The following SIGLEC1 variants were observed in gnomAD, a reference collection of about 807,000 sequenced individuals.
The protein encoded by SIGLEC1 is sialic acid binding Ig like lectin 1.
Under a neutral mutation model 148.0 loss-of-function variants are expected in SIGLEC1, and 132 were observed. The observed-to-expected ratio is 0.89, with a 90% CI of 0.77 to 1.03. The LOEUF is 1.03. Among genes scored for constraint, SIGLEC1 ranks in the 50% least tolerant of loss-of-function variants. The pLI, the probability that SIGLEC1 is intolerant of heterozygous loss-of-function variation, is 0.00. For synonymous variants in SIGLEC1, 945 were observed against 969.0 expected, an observed-to-expected ratio of 0.98 and a Z score of 0.46; for missense variants, 2,253 against 2,271.4, an observed-to-expected ratio of 0.99 and a Z score of 0.16.
rs1379073968 is a variant in SIGLEC1 at position 3,692,090 on chromosome 20, A to T, written c.4143T>A (p.His1381Gln). The change falls in exon 17 of 22, where the codon CAT becomes CAA. Residue 1381 changes from histidine (H) to glutamine (Q), a missense_variant. Transcript: ENST00000344754. ...TGCTCGTGGCCAGCACCTTGCCATC[A>T]TGAGATAGGGCCAGCTCAGCAGGTG... Reference protein sequence around the residue: ...SEPPAELALSHDGKVLATSSG... With the variant: ...SEPPAELALSQDGKVLATSSG... The T allele has an allele frequency of 2.5e-6, 4 of 1,609,880 alleles. No individual in the cohort carries two copies. The highest frequency in any genetic ancestry group is 3.4e-6 in the Non-Finnish European group (4 of 1,178,938).
rs527815791 is a variant in SIGLEC1, at chr20:3,693,540, C to T, written c.3415G>A (p.Val1139Ile). The T allele has an allele frequency of 1.9e-5, 31 of 1,612,302 alleles. No homozygotes were observed. Among genetic ancestry groups the T allele is most frequent in the East Asian group, 1.3e-4 (6 of 44,860 alleles). ...LDAHSIPLPNVTVRDATSYRC... is the reference protein window; with the variant it reads ...LDAHSIPLPNITVRDATSYRC... ...TAGGAGGTGGCATCCCTGACTGTGA[C>T]GTTGGGCAGGGGGATGGAGTGGGCA... The change falls in exon 14 of 22, where the codon GTC (valine) becomes ATC (isoleucine). Residue 1139 changes from valine (V) to isoleucine (I), a missense_variant. Transcript: ENST00000344754.
At chr20:3,694,582 C>T in intron 12 of SIGLEC1, 50 bp from the exon 13 acceptor site, 2 of 1,559,530 alleles carry the variant, frequency 1.3e-6, no homozygotes, top group Non-Finnish European at 1.7e-6. Flanking sequence ...GTCCCTCATC[C>T]AGGGCTCTGT....
In SIGLEC1 at chr20:3,689,616, C is replaced by A. The variant is rs748922450; in HGVS notation, c.4981G>T (p.Ala1661Ser). The A allele has an allele frequency of 2.5e-6, 4 of 1,581,292 alleles. No homozygotes were observed. The highest frequency in any genetic ancestry group is 1.3e-5 in the African/African-American group (1 of 74,494). ...CAGACCCACCTCCAGGTGTAGCAGG[C>A]CCCCAGGCCCAACAGCAGGAGCAGG... is the stretch of plus-strand genomic sequence containing the variant. ...GLLLLLLGLG[A>S]CYTWRRRRVC... The change falls in exon 20 of 22, where the codon GCC becomes TCC. Residue 1661 changes from alanine (A) to serine (S), a missense_variant. Ala to Ser is a moderately conservative substitution (Grantham distance 99, BLOSUM62 1). Coordinates refer to ENST00000344754, the MANE Select transcript of SIGLEC1 (RefSeq NM_023068.4).
Position 3,693,027 on chromosome 20 carries a change from G to C in SIGLEC1, c.3613C>G (p.Leu1205Val). 1 of 1,611,318 alleles carries C rather than the reference G, an allele frequency of 6.2e-7. No individual in the cohort carries two copies. The change falls in exon 15 of 22, where the codon CTC (leucine) becomes GTC (valine). Residue 1205 changes from leucine to valine, a missense_variant. By Grantham distance (32) the Leu-to-Val change is conservative (BLOSUM62 1). Coordinates refer to ENST00000344754, the MANE Select transcript of SIGLEC1 (RefSeq NM_023068.4). ...VDSRPPAQLA[L>V]SHAGRLLASS... is the part of the protein sequence containing the mutation. Reference sequence around the variant, plus strand: ...GCCAAGAGGCGACCGGCGTGGCTGAGGGCCAGCTGGGCGGGCGGGCGGCTG... The same window carrying C: ...GCCAAGAGGCGACCGGCGTGGCTGACGGCCAGCTGGGCGGGCGGGCGGCTG...
Position 3,693,674 on chromosome 20 carries a change from C to CCGG in SIGLEC1, c.3278_3280dup (p.Pro1093_Gly1094insAla). 1 of 1,595,138 alleles carries CCGG rather than the reference C, an allele frequency of 6.3e-7. No homozygotes were observed. Among genetic ancestry groups the CCGG allele is most frequent in the Non-Finnish European group, 8.5e-7 (1 of 1,169,832 alleles). On this transcript the variant is annotated inframe_insertion, in exon 14 of 22. Transcript: ENST00000344754. ...CAGCTGCCCCTCCCGCACGGTAGCC[C>CCGG]CGGGCCACACCTGCACATTCACAGC... is the stretch of plus-strand genomic sequence containing the variant.
At chr20:3,709,567 C>G (rs1600293218) in intron 1 of SIGLEC1, among the ~76,000 whole-genome samples, 4 of 152,194 alleles carry the variant, frequency 2.6e-5, no homozygotes, top group Admixed American at 2.6e-4. Context: ...AGCAATTCCA[C>G]TCCTAGGTAT....
Position 3,696,823 on chromosome 20 carries a change from T to G in SIGLEC1, c.2446A>C (p.Ile816Leu), listed in dbSNP as rs768876881. ...AGGGGGCGGCTGTCCACAGTGCAGATGAACAGAGCCATGTGGCCCTGGCCC... is the reference window on the plus strand; with the variant it reads ...AGGGGGCGGCTGTCCACAGTGCAGAGGAACAGAGCCATGTGGCCCTGGCCC... ...DMGQGHMALF[I>L]CTVDSRPLAL... Residue 816 changes from isoleucine (I) to leucine (L), a missense_variant, in exon 11 of 22, where the codon ATC becomes CTC. Ile to Leu is a conservative substitution (Grantham distance 5, BLOSUM62 2). Transcript: ENST00000344754. The G allele has an allele frequency of 6.2e-7, 1 of 1,601,944 alleles. No homozygotes were observed. Among genetic ancestry groups the G allele is most frequent in the South Asian group, 1.1e-5 (1 of 89,974 alleles).
Position 3,692,999 on chromosome 20 carries a change from G to T in SIGLEC1, c.3641C>A (p.Ser1214Tyr), listed in dbSNP as rs1369125775. The T allele has an allele frequency of 6.2e-7, 1 of 1,612,206 alleles. No homozygotes were observed. ...GTTGGGGACAGAGGCTGCTGTCGAG[G>T]AGGCCAAGAGGCGACCGGCGTGGCT... ...ALSHAGRLLA[S>Y]STAASVPNTL... Residue 1214 changes from serine (S) to tyrosine (Y), a missense_variant, in exon 15 of 22, where the codon TCC becomes TAC. Transcript: ENST00000344754.
In SIGLEC1 at chr20:3,706,710, G is replaced by C. The variant is rs1404110643; in HGVS notation, c.50-4C>G. ...GAGACGCCCCATGAGGCCTGGCCTG[G>C]GGGAAGAACGGCAGGGGGACAGAGG... is the stretch of plus-strand genomic sequence containing the variant. On this transcript the variant is annotated splice_region_variant and splice_polypyrimidine_tract_variant and intron_variant, in intron 2 of 21. Transcript: ENST00000344754. The C allele has an allele frequency of 6.5e-7, 1 of 1,533,602 alleles. No individual in the cohort carries two copies. Among genetic ancestry groups the C allele is most frequent in the East Asian group, 2.5e-5 (1 of 40,516 alleles). 95.0% of individuals were successfully genotyped at this position (1,533,602 alleles called of 1,614,324 possible). A position where few individuals can be genotyped will look rare whatever the true frequency, so the allele number is the denominator to read the frequency against.
At chr20:3,708,529 G>A (rs186787016) in intron 1 of SIGLEC1, among the ~76,000 whole-genome samples, 2 of 152,316 alleles carry the variant, frequency 1.3e-5, no homozygotes, top group African/African-American at 4.8e-5. Context: ...ACTTTGGGAG[G>A]CTGAGGCAGG....
In SIGLEC1 at chr20:3,696,580, ACT is replaced by A. The variant is rs763310467; in HGVS notation, c.2683+4_2683+5del. ...TCTACCATATCTTCAGAAGACTGACACTCACCTCGGACCTGGAAGAAGAGTGA... is the reference window on the plus strand; with the variant it reads ...TCTACCATATCTTCAGAAGACTGACACACCTCGGACCTGGAAGAAGAGTGA... On this transcript the variant is annotated splice_donor_5th_base_variant and intron_variant, in intron 11 of 21. Transcript: ENST00000344754. 6.6e-5 allele frequency: 105 copies of A among 1,597,972 alleles called. 2 individuals carry two copies. In the Middle Eastern group the frequency reaches 9.9e-4, roughly 15 times the overall value.
chr20:3,694,192 C>T lies in SIGLEC1; in HGVS notation c.3256+29G>A, dbSNP rs776548401. ...TTTAAAGGACACACACACACACACA[C>T]ACACACACACACACACACACACACT... On this transcript the variant is annotated intron_variant, in intron 13 of 21. Coordinates refer to ENST00000344754, the MANE Select transcript of SIGLEC1 (RefSeq NM_023068.4). The T allele has an allele frequency of 4.1e-4, 637 of 1,572,686 alleles. 2 individuals are homozygous for T. The African/African-American group carries it at 7.5e-3, about 19-fold the overall frequency.
intron 7 of SIGLEC1, among the ~76,000 whole-genome samples, chr20:3,701,026 C>G (rs1157662470): frequency 1.3e-5 from 2 of 152,130 alleles, no homozygotes; most frequent in African/African-American, 4.8e-5. Context: ...TATTTGGCTT[C>G]CCACATCTGA....
Position 3,694,759 on chromosome 20 carries a change from T to A in SIGLEC1, c.2848A>T (p.Ile950Leu). Residue 950 changes from isoleucine (I) to leucine (L), a missense_variant, in exon 12 of 22, where the codon ATA becomes TTA. Transcript: ENST00000344754. The part of the protein sequence containing the change: ...STSATLRFAA[I>L]TLTQAGAYHC... Reference sequence around the variant, plus strand: ...TAGGCCCCAGCTTGTGTCAAAGTTATGGCTGCAAAGCGGAGCGTGGCCGAG... The same window carrying A: ...TAGGCCCCAGCTTGTGTCAAAGTTAAGGCTGCAAAGCGGAGCGTGGCCGAG... 1 of 1,613,784 alleles carries A rather than the reference T, an allele frequency of 6.2e-7. No individual in the cohort carries two copies. Among genetic ancestry groups the A allele is most frequent in the South Asian group, 1.1e-5 (1 of 91,092 alleles).
At position 3,688,691 on chromosome 20, in the gene SIGLEC1, A is replaced by C. The variant is rs1452924116; in HGVS notation, c.5071-72T>G. The C allele has an allele frequency of 1.1e-5, 14 of 1,228,074 alleles. No homozygotes were observed. The African/African-American group carries it at 1.7e-4, about 15-fold the overall frequency. 76.1% of individuals were successfully genotyped at this position (1,228,074 alleles called of 1,614,324 possible). On this transcript the variant is annotated intron_variant, in intron 21 of 21. Coordinates refer to ENST00000344754, the MANE Select transcript of SIGLEC1 (RefSeq NM_023068.4). ...GGCAGGCCCCCAGGCCCCCAGCCTCAGGTGGGGTCCCAAGAGGATTGGTGG... is the reference window on the plus strand; with the variant it reads ...GGCAGGCCCCCAGGCCCCCAGCCTCCGGTGGGGTCCCAAGAGGATTGGTGG...
At chr20:3,697,024 C>T (rs1204674366) in intron 10 of SIGLEC1, 61 bp downstream of exon 10, 8 of 1,577,674 alleles carry the variant, frequency 5.1e-6, no homozygotes, top group Admixed American at 3.4e-5. Flanking sequence ...CCGGCCCCTG[C>T]TTCTCCCCAG....
chr20:3,690,061 C>A lies in SIGLEC1; in HGVS notation c.4795G>T (p.Asp1599Tyr). The change falls in exon 19 of 22, where the codon GAC (aspartate) becomes TAC (tyrosine). Residue 1599 changes from aspartate (D) to tyrosine (Y), a missense_variant. Transcript: ENST00000344754. Reference protein sequence around the residue: ...VLASPNALRVDIEALRPSDQG... With the variant: ...VLASPNALRVYIEALRPSDQG... ...TCGCTGGGCCTCAGCGCCTCGATGTCCACCCTCAGGGCATTGGGGGAAGCC... is the reference window on the plus strand; with the variant it reads ...TCGCTGGGCCTCAGCGCCTCGATGTACACCCTCAGGGCATTGGGGGAAGCC... The A allele has an allele frequency of 6.2e-7, 1 of 1,612,188 alleles. No individual in the cohort carries two copies. Among genetic ancestry groups the A allele is most frequent in the Middle Eastern group, 1.6e-4 (1 of 6,062 alleles).
rs190252188 is a variant in SIGLEC1 at position 3,693,241 on chromosome 20, C to A, written c.3509-110G>T. Reference sequence around the variant, plus strand: ...GCCCTGGCTCCCCACCCCTATGGCTCCCAACCACCCAGTCTGAGGCACTGC... The same window carrying A: ...GCCCTGGCTCCCCACCCCTATGGCTACCAACCACCCAGTCTGAGGCACTGC... On this transcript the variant is annotated intron_variant, in intron 14 of 21. Coordinates refer to ENST00000344754, the MANE Select transcript of SIGLEC1 (RefSeq NM_023068.4). The A allele has an allele frequency of 1.1e-5, 14 of 1,300,070 alleles. No homozygotes were observed. The African/African-American group carries it at 1.9e-4, about 18-fold the overall frequency. 80.5% of individuals were successfully genotyped at this position (1,300,070 alleles called of 1,614,324 possible).
chr20:3,696,129 T>TATATATACACACACAC (rs11087599), intron 11 of SIGLEC1, among the ~76,000 whole-genome samples: 1 of 142,424 alleles, frequency 7.0e-6, no homozygotes, highest in African/African-American at 2.7e-5. Flanking sequence ...ACTATATATA[T>TATATATACACACACAC]ACACACACAC....
Sources: allele counts gnomAD v4.1 joint callset (sites outside exome capture counted in the v4.1 genomes callset), GRCh38; gene constraint gnomAD v4.1.1; transcripts MANE v1.5; gene names NCBI Gene and HGNC (gene_info 2026-07-23, HGNC 2026-07-21).